The following PRDM16 variants were observed in gnomAD, a reference collection of about 807,000 sequenced individuals.
PRDM16 encodes histone-lysine N-methyltransferase PRDM16.
A neutral mutation model predicts 110.6 loss-of-function variants in PRDM16; 23 were observed. The ratio of observed to expected loss-of-function variants is 0.21; its 90% CI spans 0.15 to 0.29. The LOEUF is 0.29. Among genes scored for constraint, PRDM16 ranks in the 10% least tolerant of loss-of-function variants. PRDM16 has a pLI of 1.00. For synonymous variants in PRDM16, 799 were observed against 781.8 expected, an observed-to-expected ratio of 1.02 and a Z score of -0.37; for missense variants, 1,615 against 1,794.3, an observed-to-expected ratio of 0.90 and a Z score of 1.81.
chr1:3,085,245 C>T (rs1218702681), intron 1 of PRDM16, among the ~76,000 whole-genome samples: 1 of 152,176 alleles, frequency 6.6e-6, no homozygotes, highest in Non-Finnish European at 1.5e-5. Flanking sequence ...TGGGTGGGTG[C>T]TGGGAGGGTC....
At position 3,359,007 on chromosome 1, in the gene PRDM16, G is replaced by A. The variant is rs1423425303; in HGVS notation, c.439-26145G>A. 2.0e-5 allele frequency among the ~76,000 whole-genome samples: 3 copies of A among 152,166 alleles called. No homozygotes were observed. The highest frequency in any genetic ancestry group is 4.8e-5 in the African/African-American group (2 of 41,438). On this transcript the variant is annotated intron_variant, in intron 3 of 16. Coordinates refer to ENST00000270722, the MANE Select transcript of PRDM16 (RefSeq NM_022114.4). The surrounding 1 kb of genome is among the most constrained non-coding windows in gnomAD (Gnocchi z 4.3). ...GGGTCGCATTACAGCCAGTTGACTC[G>A]CGGAGTCCTCACTGGCCAACTAGAG...
chr1:3,231,590 C>T (rs1175096064), intron 2 of PRDM16, among the ~76,000 whole-genome samples: 1 of 152,212 alleles, frequency 6.6e-6, no homozygotes, highest in Non-Finnish European at 1.5e-5. Context: ...TTTCTGCCGT[C>T]CTTCCCAGCT....
chr1:3,163,312 A>G (rs1643914761), intron 1 of PRDM16, among the ~76,000 whole-genome samples: 1 of 128,548 alleles, frequency 7.8e-6, no homozygotes, highest in African/African-American at 2.8e-5. Flanking sequence ...GCTTTGGGAG[A>G]GGGGATGTCC....
chr1:3,151,839 G>A (rs763748874), intron 1 of PRDM16, among the ~76,000 whole-genome samples: 1 of 152,218 alleles, frequency 6.6e-6, no homozygotes, highest in Non-Finnish European at 1.5e-5. Flanking sequence ...AAGTCATCAC[G>A]GACGTTGTGT....
chr1:3,253,353 C>T (rs561184494), intron 3 of PRDM16, among the ~76,000 whole-genome samples: 3 of 78,916 alleles, frequency 3.8e-5, no homozygotes, highest in Non-Finnish European at 5.3e-5. Flanking sequence ...GCTATCCCTC[C>T]CCCCCTCCCC....
At chr1:3,427,033 G>C (rs1296332872) in intron 14 of PRDM16, among the ~76,000 whole-genome samples, 2 of 152,270 alleles carry the variant, frequency 1.3e-5, no homozygotes, top group Admixed American at 6.5e-5. Flanking sequence ...TGGACAGTGT[G>C]TGCACATACA....
At chr1:3,087,744 T>C (rs1321686729) in intron 1 of PRDM16, among the ~76,000 whole-genome samples, 1 of 152,150 alleles carries the variant, frequency 6.6e-6, no homozygotes, top group Non-Finnish European at 1.5e-5. Flanking sequence ...AATCACGTCT[T>C]GGTTGTGTCT....
intron 1 of PRDM16, among the ~76,000 whole-genome samples, chr1:3,145,723 C>T (rs564981467): frequency 6.9e-4 from 105 of 152,368 alleles, no homozygotes; most frequent in African/African-American, 2.3e-3. Flanking sequence ...CTGTAGAAAG[C>T]GCTCTGGCTG....
chr1:3,255,571 T>C lies in PRDM16; in HGVS notation c.438+11434T>C, dbSNP rs961104947. On this transcript the variant is annotated intron_variant, in intron 3 of 16. Coordinates refer to ENST00000270722, the MANE Select transcript of PRDM16 (RefSeq NM_022114.4). The surrounding 1 kb of genome is among the most constrained non-coding windows in gnomAD (Gnocchi z 4.7). The stretch of plus-strand genomic sequence containing the variant: ...GGGAGGGGGCGGGAGACACAAGCCA[T>C]CCCCTAACTCTGTGGCTCGAAACAG... 1.3e-5 allele frequency among the ~76,000 whole-genome samples: 2 copies of C among 152,102 alleles called. No homozygotes were observed. Among genetic ancestry groups the C allele is most frequent in the African/African-American group, 2.4e-5 (1 of 41,408 alleles).
At chr1:3,340,217 G>C (rs1307974135) in intron 3 of PRDM16, among the ~76,000 whole-genome samples, 1 of 152,050 alleles carries the variant, frequency 6.6e-6, no homozygotes, top group Non-Finnish European at 1.5e-5. Flanking sequence ...CCTTACCTGG[G>C]CCCTTTGCAC....
At position 3,396,580 on chromosome 1, in the gene PRDM16, G is replaced by A. The variant is rs780898226; in HGVS notation, c.663G>A (p.Pro221=). 8 of 1,580,624 alleles carry A rather than the reference G, an allele frequency of 5.1e-6. No individual in the cohort carries two copies. Among genetic ancestry groups the A allele is most frequent in the Admixed American group, 1.8e-5 (1 of 56,938 alleles). Reference sequence around the variant, plus strand: ...GCGTCTACCCCCTGGGCACAGTGCCGCCCGGCCTGGACGGTAAGACCCCTC... The same window carrying A: ...GCGTCTACCCCCTGGGCACAGTGCCACCCGGCCTGGACGGTAAGACCCCTC... The part of the protein sequence containing the change: ...KEGVYPLGTV[P]PGLDEEPTFR... The change falls in exon 5 of 17, where the codon CCG becomes CCA. Residue 221 remains proline (P), a synonymous_variant. Coordinates refer to ENST00000270722, the MANE Select transcript of PRDM16 (RefSeq NM_022114.4).
At chr1:3,095,018 G>A (rs1389865583) in intron 1 of PRDM16, among the ~76,000 whole-genome samples, 2 of 152,226 alleles carry the variant, frequency 1.3e-5, no homozygotes, top group Non-Finnish European at 2.9e-5. Flanking sequence ...AGGAGGGGAC[G>A]GCTCTGTTGC....
At chr1:3,224,716 T>C (rs908467078) in intron 2 of PRDM16, among the ~76,000 whole-genome samples, 11 of 152,212 alleles carry the variant, frequency 7.2e-5, no homozygotes, top group Non-Finnish European at 1.5e-4. Flanking sequence ...ACAGCCTGGA[T>C]AAAAGATACT....
rs370566670 is a variant in PRDM16, at chr1:3,404,687, C to T, written c.885-52C>T. 57 of 1,605,144 alleles carry T rather than the reference C, an allele frequency of 3.6e-5. No individual in the cohort carries two copies. The African/African-American group carries it at 5.0e-4, about 14-fold the overall frequency. ...AAGCTGTATGGTTGGGGTCCCCTCCCGGGCAGAGGGCAGGTAGTCGGGCCC... is the reference window on the plus strand; with the variant it reads ...AAGCTGTATGGTTGGGGTCCCCTCCTGGGCAGAGGGCAGGTAGTCGGGCCC... On this transcript the variant is annotated intron_variant, in intron 6 of 16. Transcript: ENST00000270722.
At chr1:3,334,542 T>G (rs566949064) in intron 3 of PRDM16, among the ~76,000 whole-genome samples, 1 of 152,262 alleles carries the variant, frequency 6.6e-6, no homozygotes, top group Non-Finnish European at 1.5e-5. Context: ...ACTCCTCTTG[T>G]GGGGAGGAAA....
chr1:3,115,231 A>C (rs955597095), intron 1 of PRDM16, among the ~76,000 whole-genome samples: 1 of 152,192 alleles, frequency 6.6e-6, no homozygotes, highest in African/African-American at 2.4e-5. Context: ...ATTGGAGTTC[A>C]TGAGACCCTC....
chr1:3,145,929 C>T (rs930221783), intron 1 of PRDM16, among the ~76,000 whole-genome samples: 3 of 152,116 alleles, frequency 2.0e-5, no homozygotes, highest in Non-Finnish European at 4.4e-5. Context: ...GAGAGGTCCC[C>T]CGGCGCCCCC....
chr1:3,316,764 C>T (rs1641615040), intron 3 of PRDM16, among the ~76,000 whole-genome samples: 1 of 151,858 alleles, frequency 6.6e-6, no homozygotes, highest in African/African-American at 2.4e-5. Context: ...TGCAGTGACA[C>T]AGGGTAGACA....
intron 3 of PRDM16, among the ~76,000 whole-genome samples, chr1:3,281,329 A>G (rs1312352215): frequency 1.3e-5 from 2 of 152,212 alleles, no homozygotes; most frequent in Non-Finnish European, 2.9e-5. Flanking sequence ...CCTGTGCTCC[A>G]GACCAGGCTG....
Sources: gnomAD v4.1 joint callset for allele counts (sites outside exome capture counted in the v4.1 genomes callset) on GRCh38, gnomAD v4.1.1 for gene constraint, Gnocchi (gnomAD v3.1) non-coding constraint, MANE v1.5 for transcripts, NCBI Gene and HGNC (gene_info 2026-07-23, HGNC 2026-07-21) for gene names.